CREB3L3: variants seen among roughly 807,000 people sequenced by gnomAD.
CREB3L3 encodes the protein cAMP responsive element binding protein 3 like 3.
In CREB3L3, 40 loss-of-function variants were observed where a neutral mutation model predicts 44.6. The ratio of observed to expected loss-of-function variants is 0.90; its 90% confidence interval spans 0.70 to 1.17. The LOEUF is 1.17. CREB3L3 is among the 50% of genes most tolerant of loss of function. CREB3L3 has a pLI of 0.00. For missense variants in CREB3L3, 578 were observed against 595.8 expected, an observed-to-expected ratio of 0.97 and a Z score of 0.31; for synonymous variants, 273 against 256.3, an observed-to-expected ratio of 1.06 and a Z score of -0.62.
intron 4 of CREB3L3, among the ~76,000 whole-genome samples, chr19:4,161,329 G>A (rs2041660916): frequency 6.6e-6 from 1 of 152,018 alleles, no homozygotes; most frequent in Non-Finnish European, 1.5e-5. Flanking sequence ...TCCCAGGCTG[G>A]TCTTGAACTC....
chr19:4,168,344 T>C lies in CREB3L3; in HGVS notation c.715-7T>C, dbSNP rs1181523161. 2.5e-6 allele frequency: 4 copies of C among 1,605,914 alleles called. No homozygotes were observed. Among genetic ancestry groups the C allele is most frequent in the Non-Finnish European group, 3.4e-6 (4 of 1,174,864 alleles). On this transcript the variant is annotated splice_polypyrimidine_tract_variant and splice_region_variant and intron_variant, in intron 5 of 9. Transcript: ENST00000078445. ...CCTGAAACCCTCCTCCCCATTTCAC[T>C]TGGCAGTACGAGGAGCGAGTGCTGA...
chr19:4,166,238 G>A lies in CREB3L3; in HGVS notation c.714+1598G>A, dbSNP rs903155522. ...CTAGCAGCTGGGACTACAGGTGTAT[G>A]CCATTATGCCTAGCTAATTTTTTTT... On this transcript the variant is annotated intron_variant, in intron 5 of 9. Coordinates refer to ENST00000078445, the MANE Select transcript of CREB3L3 (RefSeq NM_032607.3). 1.1e-4 allele frequency among the ~76,000 whole-genome samples: 16 copies of A among 151,384 alleles called. No homozygotes were observed. In the East Asian group the frequency reaches 3.1e-3, roughly 29 times the overall value.
intron 2 of CREB3L3, among the ~76,000 whole-genome samples, chr19:4,156,155 C>CCCTCCCTT (rs200708264): frequency 1.2e-5 from 1 of 82,596 alleles, no homozygotes; most frequent in East Asian, 5.3e-4. Flanking sequence ...CTCTCCCCCT[C>CCCTCCCTT]CCTCCCTTCC....
intron 6 of CREB3L3, among the ~76,000 whole-genome samples, chr19:4,169,584 C>CTTTTTT (rs34259250): frequency 4.2e-5 from 4 of 95,142 alleles, no homozygotes; most frequent in Non-Finnish European, 8.1e-5. Flanking sequence ...GGAGGCTCAG[C>CTTTTTT]TTTTTTTTTT....
At chr19:4,169,584 CTTT>C (rs34259250) in intron 6 of CREB3L3, among the ~76,000 whole-genome samples, 53 of 95,130 alleles carry the variant, frequency 5.6e-4, no homozygotes, top group African/African-American at 2.1e-3. Context: ...GGAGGCTCAG[CTTT>C]TTTTTTTTTT....
intron 6 of CREB3L3, among the ~76,000 whole-genome samples, 198 bp downstream of exon 6, chr19:4,168,655 C>G (rs1000733146): frequency 3.9e-5 from 6 of 152,016 alleles, no homozygotes; most frequent in African/African-American, 1.4e-4. Flanking sequence ...TTTGGGGGAC[C>G]CTTTGCCCCC....
At chr19:4,168,738 C>A (rs551324399) in intron 6 of CREB3L3, among the ~76,000 whole-genome samples, 12 of 152,174 alleles carry the variant, frequency 7.9e-5, no homozygotes, top group Admixed American at 5.9e-4. Context: ...TAGACACTTC[C>A]TTTTTGTGTG....
chr19:4,167,525 G>A (rs1037096407), intron 5 of CREB3L3, among the ~76,000 whole-genome samples: 7,709 of 125,288 alleles, frequency 0.062, 469 homozygotes, highest in East Asian at 0.25. Context: ...AGAGAGAAAG[G>A]GAGAAAGGAA....
rs1441779911 is a variant in CREB3L3 at position 4,171,364 on chromosome 19, C to T, written c.976-19C>T. Reference sequence around the variant, plus strand: ...AGGGGAGGGGAGGGAGGGGGTGACTCTGCCGCTGTCTCCACCAGGTCCTGT... The same window carrying T: ...AGGGGAGGGGAGGGAGGGGGTGACTTTGCCGCTGTCTCCACCAGGTCCTGT... On this transcript the variant is annotated intron_variant, in intron 8 of 9. Transcript: ENST00000078445. This position sits in a 1 kb window ranked among gnomAD's most constrained non-coding sequence, Gnocchi z 4.9. 3 of 1,610,532 alleles carry T rather than the reference C, an allele frequency of 1.9e-6. No homozygotes were observed. The highest frequency in any genetic ancestry group is 1.7e-6 in the Non-Finnish European group (2 of 1,176,910).
rs1221249746 is a variant in CREB3L3, at chr19:4,171,876, G to C, written c.1293G>C (p.Gly431=). ...TGGTCCTGAGGAATGCAACAGAGGG[G>C]CTGGGCCAGGTCGCCCTGCTGGACT... ...ATLVLRNATE[G]LGQVALLDWV... The change falls in exon 10 of 10, where the codon GGG becomes GGC. Residue 431 remains glycine, a synonymous_variant. Coordinates refer to ENST00000078445, the MANE Select transcript of CREB3L3 (RefSeq NM_032607.3). The surrounding 1 kb of genome is among the most constrained non-coding windows in gnomAD (Gnocchi z 4.9). 1 of 1,613,286 alleles carries C rather than the reference G, an allele frequency of 6.2e-7. No individual in the cohort carries two copies. Among genetic ancestry groups the C allele is most frequent in the African/African-American group, 1.3e-5 (1 of 75,070 alleles).
At chr19:4,167,991 T>TTATC (rs1568284259) in intron 5 of CREB3L3, among the ~76,000 whole-genome samples, 1 of 150,512 alleles carries the variant, frequency 6.6e-6, no homozygotes, top group East Asian at 1.9e-4. Flanking sequence ...ATTTATTTAT[T>TTATC]TATTTATTTA....
intron 4 of CREB3L3, among the ~76,000 whole-genome samples, chr19:4,161,210 C>T (rs1015606254): frequency 6.6e-6 from 1 of 152,130 alleles, no homozygotes; most frequent in Non-Finnish European, 1.5e-5. Context: ...GATCTGCCCA[C>T]CTCGGCCTCC....
chr19:4,171,358 G>A lies in CREB3L3; in HGVS notation c.976-25G>A, dbSNP rs1279002862. ...GCTTGCAGGGGAGGGGAGGGAGGGG[G>A]TGACTCTGCCGCTGTCTCCACCAGG... is the stretch of plus-strand genomic sequence containing the variant. On this transcript the variant is annotated intron_variant, in intron 8 of 9. Transcript: ENST00000078445. This position sits in a 1 kb window ranked among gnomAD's most constrained non-coding sequence, Gnocchi z 4.9. The A allele has an allele frequency of 4.4e-6, 7 of 1,605,214 alleles. No individual in the cohort carries two copies. Among genetic ancestry groups the A allele is most frequent in the Admixed American group, 1.7e-5 (1 of 59,964 alleles).
intron 3 of CREB3L3, 114 bp downstream of exon 3, chr19:4,157,409 A>G (rs1484332386): frequency 1.7e-6 from 2 of 1,207,428 alleles, no homozygotes; most frequent in African/African-American, 1.5e-5. Context: ...TCACACAGCA[A>G]TTTGGAGCTG....
At chr19:4,154,468 C>A (rs1007117865) in intron 1 of CREB3L3, among the ~76,000 whole-genome samples, 3 of 152,084 alleles carry the variant, frequency 2.0e-5, no homozygotes, top group African/African-American at 7.2e-5. Context: ...CTCCTGGGTT[C>A]AAGGGATCCT....
chr19:4,169,584 C>CTTTTTTTTT (rs34259250), intron 6 of CREB3L3, among the ~76,000 whole-genome samples: 4 of 95,138 alleles, frequency 4.2e-5, no homozygotes, highest in African/African-American at 1.3e-4. Flanking sequence ...GGAGGCTCAG[C>CTTTTTTTTT]TTTTTTTTTT....
chr19:4,169,267 G>A (rs530962631), intron 6 of CREB3L3, among the ~76,000 whole-genome samples: 10 of 151,896 alleles, frequency 6.6e-5, no homozygotes, highest in African/African-American at 1.9e-4. Flanking sequence ...TGAGGCAGGC[G>A]GATCACGAGT....
At chr19:4,168,484 C>CA in intron 6 of CREB3L3, 27 bp downstream of exon 6, 1 of 1,549,022 alleles carries the variant, frequency 6.5e-7, no homozygotes, top group East Asian at 2.3e-5. Flanking sequence ...CCAGACTCTA[C>CA]ACTCGTGGAG....
chr19:4,164,938 A>G (rs2041706706), intron 5 of CREB3L3, among the ~76,000 whole-genome samples: 1 of 151,804 alleles, frequency 6.6e-6, no homozygotes, highest in African/African-American at 2.4e-5. Context: ...CGAGCTCCTG[A>G]CCTCATGTGA....
Sources: gnomAD v4.1 joint callset for allele counts (sites outside exome capture counted in the v4.1 genomes callset) on GRCh38, gnomAD v4.1.1 for gene constraint, Gnocchi (gnomAD v3.1) non-coding constraint, MANE v1.5 for transcripts, NCBI Gene and HGNC (gene_info 2026-07-23, HGNC 2026-07-21) for gene names.